Variants in CEP128 observed in about 807,000 individuals in gnomAD.
CEP128 encodes the protein centrosomal protein 128.
A neutral mutation model predicts 156.7 loss-of-function variants in CEP128; 132 were observed. The ratio of observed to expected loss-of-function variants is 0.84; its 90% confidence interval spans 0.73 to 0.97. CEP128 has a LOEUF of 0.97. Among genes scored for constraint, CEP128 ranks in the 50% least tolerant of loss-of-function variants. CEP128 has a pLI of 0.00. For synonymous variants in CEP128, 469 were observed against 448.9 expected (o/e 1.04, Z -0.57); for missense variants, 1,252 against 1,281.9 (o/e 0.98, Z 0.36).
chr14:80,790,385 G>A (rs1374082909), intron 14 of CEP128, among the ~76,000 whole-genome samples: 4 of 151,996 alleles, frequency 2.6e-5, no homozygotes, highest in African/African-American at 9.7e-5. Context: ...ACAAACCAAT[G>A]ATTTCAAACA....
chr14:80,762,350 G>A (rs1900014385), intron 16 of CEP128, among the ~76,000 whole-genome samples: 1 of 152,062 alleles, frequency 6.6e-6, no homozygotes. Context: ...AGAATTGTAT[G>A]TCTAAATGGT....
chr14:80,736,122 G>C (rs1206498878), intron 19 of CEP128, among the ~76,000 whole-genome samples: 1 of 152,020 alleles, frequency 6.6e-6, no homozygotes, highest in Non-Finnish European at 1.5e-5. Context: ...TTATAGAAAA[G>C]ACAGATAGTA....
chr14:80,774,637 A>G (rs762372096), intron 16 of CEP128, among the ~76,000 whole-genome samples: 44 of 150,558 alleles, frequency 2.9e-4, no homozygotes, highest in East Asian at 3.9e-4. Context: ...GTGTGTGTGT[A>G]TGTGTGTGTG....
At chr14:80,659,301 G>A (rs1309304695) in intron 19 of CEP128, among the ~76,000 whole-genome samples, 1 of 152,062 alleles carries the variant, frequency 6.6e-6, no homozygotes, top group African/African-American at 2.4e-5. Context: ...TTCTAAAATG[G>A]CCCTCTCTGT....
chr14:80,747,169 C>A (rs1484919570), intron 18 of CEP128, among the ~76,000 whole-genome samples: 1 of 152,182 alleles, frequency 6.6e-6, no homozygotes, highest in African/African-American at 2.4e-5. Context: ...AGAAAATAAT[C>A]TGACAGTTAC....
chr14:80,649,473 A>T (rs190662459), intron 19 of CEP128, among the ~76,000 whole-genome samples: 7 of 152,208 alleles, frequency 4.6e-5, no homozygotes, highest in East Asian at 1.9e-4. Flanking sequence ...AAAAGAGATT[A>T]AAAAAAGGAC....
At chr14:80,861,610 T>C (rs1887515302) in intron 9 of CEP128, among the ~76,000 whole-genome samples, 1 of 151,946 alleles carries the variant, frequency 6.6e-6, no homozygotes, top group Admixed American at 6.6e-5. Flanking sequence ...CCCTGAGAAG[T>C]CATCACTCAT....
chr14:80,893,137 C>T (rs1430725052), intron 8 of CEP128, among the ~76,000 whole-genome samples: 5 of 151,886 alleles, frequency 3.3e-5, no homozygotes, highest in Admixed American at 1.3e-4. Context: ...TGAAATATTA[C>T]TCAGCCTTAA....
intron 19 of CEP128, among the ~76,000 whole-genome samples, chr14:80,633,500 G>GTCTC (rs34471871): frequency 1.3e-5 from 2 of 151,576 alleles, no homozygotes; most frequent in Non-Finnish European, 1.5e-5. Flanking sequence ...TGCCACCTCT[G>GTCTC]TCTCTCTCTA....
intron 12 of CEP128, among the ~76,000 whole-genome samples, chr14:80,832,302 G>A (rs1485254016): frequency 2.0e-5 from 3 of 151,670 alleles, no homozygotes; most frequent in African/African-American, 7.3e-5. Context: ...AAAATATAAA[G>A]TACTCTATGG....
upstream of CEP128, among the ~76,000 whole-genome samples, chr14:80,942,856 C>T (rs746476693): frequency 6.6e-6 from 1 of 152,060 alleles, no homozygotes; most frequent in Non-Finnish European, 1.5e-5. Context: ...CAGGCAGAGT[C>T]ATAAATAATT....
intron 19 of CEP128, among the ~76,000 whole-genome samples, chr14:80,589,646 C>T (rs1001212729): frequency 6.6e-6 from 1 of 152,124 alleles, no homozygotes; most frequent in Non-Finnish European, 1.5e-5. Context: ...ATTATCCCCA[C>T]TTCGCACCTA....
At chr14:80,706,644 G>T (rs1897248777) in intron 19 of CEP128, among the ~76,000 whole-genome samples, 1 of 151,996 alleles carries the variant, frequency 6.6e-6, no homozygotes, top group Non-Finnish European at 1.5e-5. Flanking sequence ...ATTCAGCTTG[G>T]GGTTCACTCA....
Position 80,785,020 on chromosome 14 carries a change from C to T in CEP128, c.2086G>A (p.Glu696Lys). The T allele has an allele frequency of 1.9e-6, 3 of 1,614,184 alleles. No homozygotes were observed. Among genetic ancestry groups the T allele is most frequent in the Non-Finnish European group, 2.5e-6 (3 of 1,180,008 alleles). The part of the protein sequence containing the change: ...LKLERDVHQR[E>K]LKDLTSSLQS... Reference sequence around the variant, plus strand: ...AATGATGATGTGAGATCTTTCAGCTCCCTCTGGTGCACATCTCGTTCCAGC... The same window carrying T: ...AATGATGATGTGAGATCTTTCAGCTTCCTCTGGTGCACATCTCGTTCCAGC... Residue 696 changes from glutamate (E) to lysine (K), a missense_variant, in exon 15 of 25, where the codon GAG (glutamate) becomes AAG (lysine). Coordinates refer to ENST00000555265, the MANE Select transcript of CEP128 (RefSeq NM_152446.5).
At chr14:80,913,074 C>T (rs972665588) in intron 4 of CEP128, among the ~76,000 whole-genome samples, 5 of 152,138 alleles carry the variant, frequency 3.3e-5, no homozygotes, top group African/African-American at 1.2e-4. Flanking sequence ...TATTCCAGAA[C>T]TCTGGAGTAC....
At chr14:80,704,571 T>A (rs1331518354) in intron 19 of CEP128, among the ~76,000 whole-genome samples, 2 of 152,088 alleles carry the variant, frequency 1.3e-5, no homozygotes, top group Non-Finnish European at 2.9e-5. Flanking sequence ...AAAGAATGTA[T>A]TTTAATGGAG....
At chr14:80,607,794 C>T (rs1200477261) in intron 19 of CEP128, among the ~76,000 whole-genome samples, 2 of 152,168 alleles carry the variant, frequency 1.3e-5, no homozygotes, top group Non-Finnish European at 2.9e-5. Flanking sequence ...AATAGACTTT[C>T]AACACCATTA....
chr14:80,808,711 A>G (rs1884330434), intron 13 of CEP128, among the ~76,000 whole-genome samples: 2 of 152,090 alleles, frequency 1.3e-5, no homozygotes, highest in South Asian at 4.2e-4. Flanking sequence ...GCCTCCACTA[A>G]TAACTGTACC....
At chr14:80,548,674 T>G (rs1890088069) in intron 21 of CEP128, among the ~76,000 whole-genome samples, 1 of 152,214 alleles carries the variant, frequency 6.6e-6, no homozygotes, top group South Asian at 2.1e-4. Context: ...GTTCTTAATA[T>G]TGTTTAGAAC....
Sources: gnomAD v4.1 joint callset for allele counts (sites outside exome capture counted in the v4.1 genomes callset) on GRCh38, gnomAD v4.1.1 for gene constraint, MANE v1.5 for transcripts, NCBI Gene and HGNC (gene_info 2026-07-23, HGNC 2026-07-21) for gene names.